OR2L13: variants seen among roughly 807,000 people sequenced by gnomAD.
The protein encoded by OR2L13 is olfactory receptor 2L13.
A neutral mutation model predicts 15.3 loss-of-function variants in OR2L13; 14 were observed. The observed-to-expected ratio is 0.91, with a 90% confidence interval of 0.60 to 1.43. The LOEUF (loss-of-function observed/expected upper bound fraction) is 1.43. OR2L13 is among the 40% of genes most tolerant of loss of function. The probability of loss-of-function intolerance (pLI) is 0.00; values close to 1 mark genes in which losing one functional copy is unlikely to be tolerated. For synonymous variants in OR2L13, 152 were observed against 142.9 expected, an observed-to-expected ratio of 1.06 and a Z score of -0.45; for missense variants, 367 against 387.9, an observed-to-expected ratio of 0.95 and a Z score of 0.45.
At chr1:247,949,096 T>C in the OR2L13 span, 1 of 1,613,990 alleles carries the variant, frequency 6.2e-7, no homozygotes, top group Non-Finnish European at 8.5e-7. Context: ...GTTCCTAAGA[T>C]GGCATCTGAT....
the OR2L13 span, among the ~76,000 whole-genome samples, chr1:247,959,756 T>C: frequency 2.0e-5 from 3 of 152,276 alleles, no homozygotes; most frequent in Non-Finnish European, 4.4e-5. Context: ...GCTTGTGCAT[T>C]CGTCACGTAG....
chr1:248,078,722 A>G, the OR2L13 span, among the ~76,000 whole-genome samples: 1 of 152,072 alleles, frequency 6.6e-6, no homozygotes, highest in South Asian at 2.1e-4. Flanking sequence ...AACAACACAA[A>G]TGTTCTTCAA....
the OR2L13 span, among the ~76,000 whole-genome samples, chr1:247,970,838 C>G: frequency 6.6e-6 from 1 of 152,158 alleles, no homozygotes; most frequent in Non-Finnish European, 1.5e-5. Flanking sequence ...GTACATGGAG[C>G]TATTTTATCA....
At chr1:248,003,066 A>AT in the OR2L13 span, 1 of 832,884 alleles carries the variant, frequency 1.2e-6, no homozygotes. Context: ...AATTCTGCGG[A>AT]TAAGGATGAA....
chr1:248,062,725 A>G, the OR2L13 span: 6 of 152,218 alleles, frequency 3.9e-5, no homozygotes, highest in African/African-American at 1.4e-4. Context: ...GAATAACTGA[A>G]AGAGTGGAAT....
the OR2L13 span, chr1:248,060,569 C>T: frequency 2.8e-4 from 220 of 796,032 alleles, no homozygotes; most frequent in African/African-American, 3.6e-3. Context: ...GTGTCAACTC[C>T]AGTCTCAAGA....
At chr1:247,945,566 T>C in the OR2L13 span, among the ~76,000 whole-genome samples, 1 of 152,142 alleles carries the variant, frequency 6.6e-6, no homozygotes, top group African/African-American at 2.4e-5. Context: ...GTTAATTCTC[T>C]GGCTCAAGAT....
chr1:247,969,861 C>T, the OR2L13 span, among the ~76,000 whole-genome samples: 1 of 152,176 alleles, frequency 6.6e-6, no homozygotes, highest in Non-Finnish European at 1.5e-5. Flanking sequence ...TAGGAACCTT[C>T]TACATGATGG....
the OR2L13 span, chr1:248,039,587 GT>G: frequency 0.031 from 4,817 of 153,138 alleles, 227 homozygotes; most frequent in African/African-American, 0.11. Context: ...TGCCCTGCCT[GT>G]TTTTTTTTTA....
the OR2L13 span, among the ~76,000 whole-genome samples, chr1:248,078,077 A>G: frequency 6.6e-6 from 1 of 152,242 alleles, no homozygotes; most frequent in Non-Finnish European, 1.5e-5. Context: ...TTAAAATTAA[A>G]TCTGTGATAA....
the OR2L13 span, chr1:248,038,772 A>C: frequency 6.2e-7 from 1 of 1,614,070 alleles, no homozygotes. Flanking sequence ...CCCATATTGC[A>C]AGTCCAGAGC....
the OR2L13 span, among the ~76,000 whole-genome samples, chr1:247,957,261 G>A: frequency 1.3e-5 from 2 of 152,204 alleles, no homozygotes; most frequent in African/African-American, 4.8e-5. Flanking sequence ...ATTTGCATAT[G>A]TTGAACCAAC....
chr1:247,985,948 G>T, the OR2L13 span, among the ~76,000 whole-genome samples: 1 of 152,110 alleles, frequency 6.6e-6, no homozygotes, highest in Non-Finnish European at 1.5e-5. Context: ...CCCACTTTTT[G>T]ATGGGGTTGT....
chr1:247,992,671 C>T, the OR2L13 span, among the ~76,000 whole-genome samples: 1 of 152,190 alleles, frequency 6.6e-6, no homozygotes, highest in Non-Finnish European at 1.5e-5. Context: ...TTATGGCCCC[C>T]AGCTCTATCC....
At chr1:248,027,131 C>T in the OR2L13 span, among the ~76,000 whole-genome samples, 28 of 152,128 alleles carry the variant, frequency 1.8e-4, no homozygotes, top group East Asian at 7.7e-4. Flanking sequence ...TCCTAGGGGG[C>T]GGCCTCTAAA....
chr1:248,032,570 A>G, the OR2L13 span, among the ~76,000 whole-genome samples: 25 of 152,008 alleles, frequency 1.6e-4, no homozygotes, highest in Admixed American at 1.3e-3. Context: ...TATAAATTTG[A>G]CTACTCTGGG....
At chr1:248,042,164 A>G in the OR2L13 span, 1 of 152,168 alleles carries the variant, frequency 6.6e-6, no homozygotes, top group African/African-American at 2.4e-5. Context: ...ACCATGGAAT[A>G]CTATGCAGCC....
At chr1:248,033,887 C>T in the OR2L13 span, among the ~76,000 whole-genome samples, 1 of 152,102 alleles carries the variant, frequency 6.6e-6, no homozygotes, top group Admixed American at 6.5e-5. Context: ...CCACAGCAGT[C>T]AGAAAGAGAA....
chr1:247,955,720 C>G, the OR2L13 span, among the ~76,000 whole-genome samples: 1 of 127,342 alleles, frequency 7.9e-6, no homozygotes, highest in East Asian at 2.3e-4. Context: ...CATTTTTTTT[C>G]TTTTGGCTGC....
Sources: allele counts gnomAD v4.1 joint callset (sites outside exome capture counted in the v4.1 genomes callset), GRCh38; gene constraint gnomAD v4.1.1; transcripts MANE v1.5; gene names NCBI Gene and HGNC (gene_info 2026-07-23, HGNC 2026-07-21).